CLIC6: variants seen among roughly 807,000 people sequenced by gnomAD.
CLIC6 encodes the protein CLIC family member 6, also known as chloride intracellular channel protein 6.
A neutral mutation model predicts 49.2 loss-of-function variants in CLIC6; 39 were observed. The observed-to-expected ratio is 0.79, with a 90% confidence interval of 0.61 to 1.04. The LOEUF (loss-of-function observed/expected upper bound fraction) is 1.04, where lower values mean the gene tolerates loss of function less well. Ranked by LOEUF, CLIC6 falls within the 50% of genes least tolerant of loss-of-function variation. The pLI is 0.00. For missense variants in CLIC6, 988 were observed against 993.1 expected (o/e 0.99, Z 0.07); for synonymous variants, 446 against 433.4 (o/e 1.03, Z -0.36).
At chr21:34,690,029 C>A (rs1989961054) in intron 1 of CLIC6, among the ~76,000 whole-genome samples, 1 of 152,210 alleles carries the variant, frequency 6.6e-6, no homozygotes, top group Non-Finnish European at 1.5e-5. Context: ...AAAAGACTTT[C>A]ATTATTTTCT....
intron 1 of CLIC6, among the ~76,000 whole-genome samples, chr21:34,690,780 T>C (rs1461633349): frequency 6.7e-6 from 1 of 149,414 alleles, no homozygotes; most frequent in Non-Finnish European, 1.5e-5. Context: ...GGGTCAGGGT[T>C]AGTGAATCCT....
chr21:34,671,082 C>G (rs1989556138), intron 1 of CLIC6, among the ~76,000 whole-genome samples: 1 of 148,270 alleles, frequency 6.7e-6, no homozygotes, highest in Admixed American at 6.7e-5. Flanking sequence ...CTAACCAGCC[C>G]TCCTAGTCAG....
chr21:34,691,938 ATCT>A (rs1568963532), intron 1 of CLIC6, among the ~76,000 whole-genome samples: 1 of 152,182 alleles, frequency 6.6e-6, no homozygotes, highest in Admixed American at 6.5e-5. Flanking sequence ...AGCAATCCAA[ATCT>A]TCTTAGTATT....
intron 1 of CLIC6, among the ~76,000 whole-genome samples, 154 bp downstream of exon 1, chr21:34,670,916 G>A (rs535403521): frequency 2.0e-5 from 3 of 152,044 alleles, no homozygotes; most frequent in Admixed American, 2.0e-4. Context: ...GGGACAGCCG[G>A]GATTTCCCGG....
chr21:34,700,458 AAAAAG>A lies in CLIC6; in HGVS notation c.1375-6809_1375-6805del, dbSNP rs1292243904. 2.1e-5 allele frequency among the ~76,000 whole-genome samples: 3 copies of A among 139,676 alleles called. 1 individual carries two copies. The highest frequency in any genetic ancestry group is 6.9e-5 in the Admixed American group (1 of 14,504). The allele number at this position is 139,676 out of a possible 152,430, so 91.6% of individuals were successfully genotyped here. ...CGAGACTCCGTCTCAAAAAAAAAAA[AAAAAG>A]AAAAGAAAAGAATAAGAGAAATGAT... On this transcript the variant is annotated intron_variant, in intron 1 of 5. Coordinates refer to ENST00000349499, the MANE Select transcript of CLIC6 (RefSeq NM_053277.3).
intron 1 of CLIC6, among the ~76,000 whole-genome samples, chr21:34,676,258 G>A (rs1281952158): frequency 6.9e-6 from 1 of 145,470 alleles, no homozygotes; most frequent in Non-Finnish European, 1.5e-5. Flanking sequence ...AGTGGAAGGA[G>A]TATGTAAAAG....
At chr21:34,681,608 G>A (rs1403688343) in intron 1 of CLIC6, among the ~76,000 whole-genome samples, 1 of 151,622 alleles carries the variant, frequency 6.6e-6, no homozygotes, top group Non-Finnish European at 1.5e-5. Flanking sequence ...TTTGGCAGGA[G>A]GTGCAGTTAG....
chr21:34,694,745 T>G lies in CLIC6; in HGVS notation c.1375-12535T>G, dbSNP rs926913949. Among the ~76,000 whole-genome samples, 28 of 152,242 alleles carry G rather than the reference T, an allele frequency of 1.8e-4. 1 individual carries two copies. The highest frequency in any genetic ancestry group is 6.0e-4 in the African/African-American group (25 of 41,458). On this transcript the variant is annotated intron_variant, in intron 1 of 5. Coordinates refer to ENST00000349499, the MANE Select transcript of CLIC6 (RefSeq NM_053277.3). ...CATCTCAGGTAGTTCTGTGTAGCAA[T>G]GTGAGAATGGACTAATACACCTTGG...
chr21:34,697,192 G>A (rs970740332), intron 1 of CLIC6, among the ~76,000 whole-genome samples: 10 of 151,332 alleles, frequency 6.6e-5, no homozygotes, highest in African/African-American at 2.2e-4. Context: ...TCACAATTCT[G>A]GGGTAGGTTT....
chr21:34,710,318 A>T (rs2056047921), intron 5 of CLIC6, among the ~76,000 whole-genome samples: 1 of 152,162 alleles, frequency 6.6e-6, no homozygotes, highest in East Asian at 1.9e-4. Context: ...TATTTTAAAA[A>T]AACATTGACC....
chr21:34,716,293 T>C, intron 5 of CLIC6, 28 bp from the exon 6 acceptor site: 1 of 1,603,030 alleles, frequency 6.2e-7, no homozygotes, highest in Non-Finnish European at 8.5e-7. Context: ...AGTTTTCCCT[T>C]TACTGATCAT....
intron 5 of CLIC6, 81 bp from the exon 6 acceptor site, chr21:34,716,240 C>A: frequency 8.6e-7 from 1 of 1,163,494 alleles, no homozygotes; most frequent in South Asian, 1.4e-5. Flanking sequence ...GTATTGCATG[C>A]CTCAGAAGAA....
chr21:34,697,848 A>G (rs1990114878), intron 1 of CLIC6, among the ~76,000 whole-genome samples: 1 of 152,238 alleles, frequency 6.6e-6, no homozygotes. Flanking sequence ...GCTCTCCTTC[A>G]GGAGGAGTGG....
At chr21:34,680,829 A>C (rs1989764433) in intron 1 of CLIC6, among the ~76,000 whole-genome samples, 1 of 152,208 alleles carries the variant, frequency 6.6e-6, no homozygotes, top group Non-Finnish European at 1.5e-5. Flanking sequence ...AAATCCATTC[A>C]ACATGTCTGT....
At chr21:34,704,755 T>TC (rs888549255) in intron 1 of CLIC6, among the ~76,000 whole-genome samples, 110 of 152,230 alleles carry the variant, frequency 7.2e-4, no homozygotes, top group African/African-American at 2.6e-3. Context: ...CCGGCTTTAT[T>TC]CCCCCTAAAG....
chr21:34,670,160 G>A lies in CLIC6; in HGVS notation c.772G>A (p.Asp258Asn), dbSNP rs1357753719. 2.2e-6 allele frequency: 3 copies of A among 1,387,624 alleles called. No individual in the cohort carries two copies. The allele number at this position is 1,387,624 out of a possible 1,614,324, so 86.0% of individuals were successfully genotyped here. A position where few individuals can be genotyped will look rare whatever the true frequency, so the allele number is the denominator to read the frequency against. ...CGTAGAGGCGGGGGACCCGGCGGGG[G>A]ACGGCGTAGAAGCGGGGGTCCCGGC... is the stretch of plus-strand genomic sequence containing the variant. ...DSVEAGDPAG[D>N]GVEAGVPAGD... is the part of the protein sequence containing the mutation. Residue 258 changes from aspartate (D) to asparagine (N), a missense_variant, in exon 1 of 6, where the codon GAC becomes AAC. Physicochemically the swap from Asp to Asn is conservative, Grantham distance 23. Around this residue, in one of 3 missense-constraint regions of CLIC6, gnomAD observed 647 missense variants for 596.9 expected, o/e 1.08. Coordinates refer to ENST00000349499, the MANE Select transcript of CLIC6 (RefSeq NM_053277.3).
intron 1 of CLIC6, among the ~76,000 whole-genome samples, chr21:34,705,161 T>A (rs2056005755): frequency 6.6e-6 from 1 of 152,222 alleles, no homozygotes; most frequent in Non-Finnish European, 1.5e-5. Context: ...GCAGAGCAAG[T>A]CGGGACTGGC....
At position 34,670,212 on chromosome 21, in the gene CLIC6, C is replaced by A; in HGVS notation, c.824C>A (p.Pro275Gln). Residue 275 changes from proline (P) to glutamine (Q), a missense_variant, in exon 1 of 6, where the codon CCG (proline) becomes CAG (glutamine). Coordinates refer to ENST00000349499, the MANE Select transcript of CLIC6 (RefSeq NM_053277.3). Reference protein sequence around the residue: ...PAGDSVEAEGPAGDSMDAEGP... With the variant: ...PAGDSVEAEGQAGDSMDAEGP... ...GGGGACAGCGTAGAAGCCGAAGGCC[C>A]GGCGGGGGACAGCATGGACGCCGAG... The A allele has an allele frequency of 1.4e-6, 2 of 1,403,976 alleles. No individual in the cohort carries two copies. The highest frequency in any genetic ancestry group is 1.5e-5 in the African/African-American group (1 of 65,570). 87.0% of individuals were successfully genotyped at this position (1,403,976 alleles called of 1,614,324 possible).
At position 34,700,402 on chromosome 21, in the gene CLIC6, G is replaced by C. The variant is rs1291168707; in HGVS notation, c.1375-6878G>C. Among the ~76,000 whole-genome samples, 4 of 128,106 alleles carry C rather than the reference G, an allele frequency of 3.1e-5. 1 individual carries two copies. Among genetic ancestry groups the C allele is most frequent in the Non-Finnish European group, 4.9e-5 (3 of 61,712 alleles). 84.0% of individuals were successfully genotyped at this position (128,106 alleles called of 152,430 possible). A position where few individuals can be genotyped will look rare whatever the true frequency, so the allele number is the denominator to read the frequency against. The stretch of plus-strand genomic sequence containing the variant: ...GCGGAGCTTGCAGTGAGCCGAGATC[G>C]CGCCACCGCACTCCAGCCTGGGCGA... On this transcript the variant is annotated intron_variant, in intron 1 of 5. Coordinates refer to ENST00000349499, the MANE Select transcript of CLIC6 (RefSeq NM_053277.3).
Sources: allele counts gnomAD v4.1 joint callset (sites outside exome capture counted in the v4.1 genomes callset), GRCh38; gene constraint gnomAD v4.1.1; regional missense constraint gnomAD v4.1.1; transcripts MANE v1.5; gene names NCBI Gene and HGNC (gene_info 2026-07-23, HGNC 2026-07-21).